Variants in CTNNA2 observed in about 807,000 individuals in gnomAD.
CTNNA2 encodes catenin alpha 2.
In CTNNA2, 42 loss-of-function variants were observed where a neutral mutation model predicts 101.0. The observed-to-expected ratio is 0.42, with a 90% CI of 0.32 to 0.54. CTNNA2 has a LOEUF of 0.54. CTNNA2 is among the 20% of genes least tolerant of loss of function. CTNNA2 has a pLI of 0.14. For missense variants in CTNNA2, 871 were observed against 1,223.1 expected (o/e 0.71, Z 4.29); for synonymous variants, 450 against 456.4 (o/e 0.99, Z 0.18).
chr2:79,395,955 T>A (rs1678225168), intron 4 of CTNNA2, among the ~76,000 whole-genome samples: 1 of 152,180 alleles, frequency 6.6e-6, no homozygotes, highest in African/African-American at 2.4e-5. Flanking sequence ...CACACTCACT[T>A]AACCATAGCC....
chr2:80,484,869 G>A (rs1686436060), intron 9 of CTNNA2, among the ~76,000 whole-genome samples: 1 of 151,952 alleles, frequency 6.6e-6, no homozygotes, highest in Admixed American at 6.6e-5. Flanking sequence ...AGCCGGGCAA[G>A]GTGGTGGGCA....
At chr2:80,176,201 C>T (rs1705386050) in intron 7 of CTNNA2, among the ~76,000 whole-genome samples, 1 of 152,154 alleles carries the variant, frequency 6.6e-6, no homozygotes, top group African/African-American at 2.4e-5. Flanking sequence ...CAAATAAAGA[C>T]AATAATAAGG....
At chr2:80,174,061 T>C (rs945988763) in intron 7 of CTNNA2, among the ~76,000 whole-genome samples, 3 of 152,122 alleles carry the variant, frequency 2.0e-5, no homozygotes, top group Non-Finnish European at 2.9e-5. Context: ...AGGTAATAGA[T>C]TGATGAGTGG....
At chr2:79,536,686 T>TTTTTTTC (rs71385281) in intron 1 of CTNNA2, among the ~76,000 whole-genome samples, 138 of 140,028 alleles carry the variant, frequency 9.9e-4, no homozygotes, top group Admixed American at 1.8e-3. Context: ...ATGGATTTTT[T>TTTTTTTC]TTTTCTTTTC....
rs941416266 is a variant in CTNNA2, at chr2:79,974,421, A to T, written c.1056+64624A>T. ...CACCATTTTCTGTGTTACTTAAGAC[A>T]TTGGACTTGACCATAAGGCTGGACA... is the stretch of plus-strand genomic sequence containing the variant. On this transcript the variant is annotated intron_variant, in intron 7 of 18. Coordinates refer to ENST00000402739, the MANE Select transcript of CTNNA2 (RefSeq NM_001282597.3). Among the ~76,000 whole-genome samples the T allele has an allele frequency of 5.4e-4, 82 of 152,276 alleles. 1 individual carries two copies. The highest frequency in any genetic ancestry group is 1.5e-3 in the African/African-American group (62 of 41,576).
chr2:79,823,804 A>G (rs1022844293), intron 3 of CTNNA2, among the ~76,000 whole-genome samples: 10 of 152,086 alleles, frequency 6.6e-5, no homozygotes, highest in Admixed American at 4.6e-4. Context: ...TCATTTTCCA[A>G]TCTCCTTCCT....
At chr2:79,878,760 C>G (rs981531899) in intron 6 of CTNNA2, among the ~76,000 whole-genome samples, 1 of 151,838 alleles carries the variant, frequency 6.6e-6, no homozygotes. Context: ...AAAATTTTCT[C>G]CCATTCCGTA....
intron 14 of CTNNA2, 22 bp from the exon 15 acceptor site, chr2:80,589,282 G>C: frequency 1.2e-6 from 2 of 1,612,058 alleles, no homozygotes; most frequent in Non-Finnish European, 1.7e-6. Context: ...CGTCACTCAC[G>C]CTTTTTCTGT....
At chr2:80,102,236 T>C (rs754271405) in intron 7 of CTNNA2, among the ~76,000 whole-genome samples, 8 of 152,206 alleles carry the variant, frequency 5.3e-5, no homozygotes, top group Non-Finnish European at 1.2e-4. Flanking sequence ...CTTCCCAGAA[T>C]TGCTGTCTGA....
At chr2:79,752,000 G>T (rs1487464544) in intron 3 of CTNNA2, among the ~76,000 whole-genome samples, 1 of 152,112 alleles carries the variant, frequency 6.6e-6, no homozygotes, top group South Asian at 2.1e-4. Flanking sequence ...GCCAAAATTT[G>T]TTCTACATTT....
intron 9 of CTNNA2, among the ~76,000 whole-genome samples, chr2:80,471,172 A>T (rs1312667440): frequency 6.6e-6 from 1 of 152,196 alleles, no homozygotes; most frequent in East Asian, 1.9e-4. Context: ...TCTGACTCCC[A>T]TGTCAGAAAT....
chr2:80,125,199 A>C (rs1702047961), intron 7 of CTNNA2, among the ~76,000 whole-genome samples: 1 of 152,126 alleles, frequency 6.6e-6, no homozygotes, highest in Non-Finnish European at 1.5e-5. Flanking sequence ...ATTTTACAGC[A>C]GAGGAAGATG....
chr2:79,292,592 G>A (rs574839870), intron 2 of CTNNA2, among the ~76,000 whole-genome samples: 1 of 152,226 alleles, frequency 6.6e-6, no homozygotes, highest in Admixed American at 6.5e-5. Context: ...GTATGGTTAA[G>A]TACAAGTACC....
intron 7 of CTNNA2, among the ~76,000 whole-genome samples, chr2:80,103,780 G>T (rs1477880179): frequency 1.3e-5 from 2 of 152,184 alleles, no homozygotes; most frequent in Non-Finnish European, 2.9e-5. Flanking sequence ...TGTTACCCAG[G>T]CTGGAGTGCA....
chr2:79,687,257 A>G (rs1028931666), intron 2 of CTNNA2, among the ~76,000 whole-genome samples: 6 of 152,114 alleles, frequency 3.9e-5, no homozygotes, highest in Admixed American at 2.0e-4. Context: ...TTTCTTTATT[A>G]AATTTTAGCT....
chr2:79,964,102 T>TA (rs1689850875), intron 7 of CTNNA2, among the ~76,000 whole-genome samples: 1 of 152,196 alleles, frequency 6.6e-6, no homozygotes, highest in South Asian at 2.1e-4. Flanking sequence ...TGTCCTAGAA[T>TA]ACCTGCATGG....
intron 7 of CTNNA2, among the ~76,000 whole-genome samples, chr2:80,252,482 C>A (rs981164661): frequency 6.6e-6 from 1 of 152,096 alleles, no homozygotes; most frequent in Non-Finnish European, 1.5e-5. Context: ...GGTTGTCCTG[C>A]CTTTTATAGA....
chr2:79,968,381 T>G lies in CTNNA2; in HGVS notation c.1056+58584T>G, dbSNP rs367855815. On this transcript the variant is annotated intron_variant, in intron 7 of 18. Transcript: ENST00000402739. ...TCATGAGAACAGAAAATTGTTTCATTAAATAGTTTTAAAATAGGCTGAGTG... is the reference window on the plus strand; with the variant it reads ...TCATGAGAACAGAAAATTGTTTCATGAAATAGTTTTAAAATAGGCTGAGTG... Among the ~76,000 whole-genome samples the G allele has an allele frequency of 3.8e-4, 58 of 152,262 alleles. No individual in the cohort carries two copies. The East Asian group carries it at 0.01, about 27-fold the overall frequency.
intron 4 of CTNNA2, among the ~76,000 whole-genome samples, chr2:79,863,738 C>T (rs1488070454): frequency 2.0e-5 from 3 of 152,138 alleles, no homozygotes; most frequent in Admixed American, 6.5e-5. Flanking sequence ...CTAGGGAGGA[C>T]CCCACCCTAC....
Sources: allele counts gnomAD v4.1 joint callset (sites outside exome capture counted in the v4.1 genomes callset), GRCh38; gene constraint gnomAD v4.1.1; transcripts MANE v1.5; gene names NCBI Gene and HGNC (gene_info 2026-07-23, HGNC 2026-07-21).